Variants in USP34 observed in about 807,000 individuals in gnomAD.
The protein encoded by USP34 is ubiquitin specific peptidase 34, also known as ubiquitin carboxyl-terminal hydrolase 34.
In USP34, 70 loss-of-function variants were observed where a neutral mutation model predicts 460.3. The observed-to-expected ratio is 0.15, with a 90% confidence interval of 0.13 to 0.19. USP34 has a LOEUF of 0.19. Ranked by LOEUF, USP34 falls within the 10% of genes least tolerant of loss-of-function variation. The pLI, the probability that USP34 is intolerant of heterozygous loss-of-function variation, is 1.00. For missense variants in USP34, 3,985 were observed against 4,236.2 expected, an observed-to-expected ratio of 0.94 and a Z score of 1.65; for synonymous variants, 1,647 against 1,405.3, an observed-to-expected ratio of 1.17 and a Z score of -3.85.
chr2:61,443,683 T>A (rs535476051), intron 1 of USP34, among the ~76,000 whole-genome samples: 4 of 152,274 alleles, frequency 2.6e-5, no homozygotes, highest in Admixed American at 2.0e-4. Flanking sequence ...GAGGAAGGAA[T>A]GAATGGGTAG....
chr2:61,310,086 T>C (rs1690540963), intron 27 of USP34, among the ~76,000 whole-genome samples: 2 of 152,120 alleles, frequency 1.3e-5, no homozygotes, highest in Admixed American at 6.5e-5. Context: ...GAAGTGGAAA[T>C]GATGTTATTG....
intron 2 of USP34, among the ~76,000 whole-genome samples, chr2:61,409,692 C>T (rs1019588727): frequency 2.9e-4 from 44 of 151,920 alleles, no homozygotes; most frequent in Non-Finnish European, 1.2e-4. Flanking sequence ...CCAGCCTGGG[C>T]GACAGATCAA....
rs905388319 is a variant in USP34 at position 61,469,231 on chromosome 2, A to G, written c.43+1419T>C. Among the ~76,000 whole-genome samples, 20 of 152,266 alleles carry G rather than the reference A, an allele frequency of 1.3e-4. 1 individual carries two copies. The highest frequency in any genetic ancestry group is 1.0e-3 in the Admixed American group (16 of 15,270). The stretch of plus-strand genomic sequence containing the variant: ...TCAAGAAAAAAAAAAGATATTTAAA[A>G]TCACCAACAAAATTAAGTACTTGTT... On this transcript the variant is annotated intron_variant, in intron 1 of 79. Transcript: ENST00000398571.
chr2:61,414,998 A>G (rs926510881), intron 2 of USP34, among the ~76,000 whole-genome samples: 4 of 152,162 alleles, frequency 2.6e-5, no homozygotes, highest in African/African-American at 9.7e-5. Context: ...ATTAGAGGTA[A>G]TTTCAATTTT....
chr2:61,269,159 A>C (rs1458568181), intron 41 of USP34, among the ~76,000 whole-genome samples: 1 of 152,078 alleles, frequency 6.6e-6, no homozygotes, highest in Non-Finnish European at 1.5e-5. Flanking sequence ...TTAGCTAAGT[A>C]AAATTTCAGA....
chr2:61,299,296 C>T (rs1468566829), intron 29 of USP34, among the ~76,000 whole-genome samples: 1 of 152,056 alleles, frequency 6.6e-6, no homozygotes, highest in Non-Finnish European at 1.5e-5. Context: ...ATCAAAATAC[C>T]ACCATTTTAC....
Position 61,221,404 on chromosome 2 carries a change from G to C in USP34, c.7899+98C>G, listed in dbSNP as rs1687581470. ...CCTGTGACTTACTAAAACCATCTTG[G>C]GGTAATAAGAAACTGGTACTTAAAA... On this transcript the variant is annotated intron_variant, in intron 66 of 79. Coordinates refer to ENST00000398571, the MANE Select transcript of USP34 (RefSeq NM_014709.4). 11 of 1,085,116 alleles carry C rather than the reference G, an allele frequency of 1.0e-5. No individual in the cohort carries two copies. In the South Asian group the frequency reaches 1.3e-4, roughly 13 times the overall value. The allele number at this position is 1,085,116 out of a possible 1,614,324, so 67.2% of individuals were successfully genotyped here.
chr2:61,308,674 T>G (rs934217839), intron 27 of USP34, among the ~76,000 whole-genome samples: 1 of 152,156 alleles, frequency 6.6e-6, no homozygotes, highest in South Asian at 2.1e-4. Context: ...ATCACAATCA[T>G]TGATAAAAGA....
intron 2 of USP34, among the ~76,000 whole-genome samples, chr2:61,413,925 G>A (rs138655356): frequency 0.01 from 1,498 of 146,646 alleles, 15 homozygotes; most frequent in South Asian, 0.027. Context: ...GTGAGACTCA[G>A]TCTCAAAAAA....
At chr2:61,470,234 T>C (rs1223143803) in intron 1 of USP34, among the ~76,000 whole-genome samples, 1 of 152,118 alleles carries the variant, frequency 6.6e-6, no homozygotes, top group Non-Finnish European at 1.5e-5. Context: ...GGCAGCACGC[T>C]GGAAATCAAA....
intron 62 of USP34, 191 bp from the exon 63 acceptor site, chr2:61,223,487 A>T (rs1687646901): frequency 1.7e-6 from 1 of 580,068 alleles, no homozygotes; most frequent in Non-Finnish European, 3.0e-6. Flanking sequence ...AGGATTGGTA[A>T]ATGAAAGCCC....
chr2:61,427,509 T>C (rs1469537887), intron 1 of USP34, among the ~76,000 whole-genome samples: 1 of 152,072 alleles, frequency 6.6e-6, no homozygotes, highest in African/African-American at 2.4e-5. Flanking sequence ...CAGGGACCAA[T>C]CCTGGAGAAA....
intron 57 of USP34, among the ~76,000 whole-genome samples, chr2:61,233,878 C>CACTT: frequency 6.6e-6 from 1 of 151,586 alleles, no homozygotes. Context: ...GATGAGAAGT[C>CACTT]ACTTCTAATA....
intron 2 of USP34, chr2:61,417,295 C>T (rs1694224966): frequency 2.5e-6 from 2 of 793,104 alleles, no homozygotes; most frequent in Non-Finnish European, 2.2e-6. Flanking sequence ...AGGCCGCATA[C>T]ACTACCAAGG....
intron 31 of USP34, 39 bp from the exon 32 acceptor site, chr2:61,295,071 A>G (rs1553365500): frequency 1.2e-6 from 2 of 1,603,532 alleles, no homozygotes; most frequent in Non-Finnish European, 1.7e-6. Context: ...GAATGGCGGA[A>G]GAAAGAATTA....
At chr2:61,274,217 C>T (rs554838957) in intron 41 of USP34, among the ~76,000 whole-genome samples, 45 of 151,686 alleles carry the variant, frequency 3.0e-4, no homozygotes, top group Non-Finnish European at 6.3e-4. Flanking sequence ...TGGCGAAATC[C>T]GGTCTCCACT....
chr2:61,279,118 A>G (rs1330244800), intron 39 of USP34, among the ~76,000 whole-genome samples: 1 of 151,874 alleles, frequency 6.6e-6, no homozygotes, highest in Non-Finnish European at 1.5e-5. Flanking sequence ...TTTAAAGTAC[A>G]ATGTTTATTT....
At chr2:61,305,371 C>T (rs1690370588) in intron 27 of USP34, among the ~76,000 whole-genome samples, 1 of 151,632 alleles carries the variant, frequency 6.6e-6, no homozygotes, top group South Asian at 2.1e-4. Flanking sequence ...AAGAAGAGAT[C>T]ATACCAACAA....
At chr2:61,452,412 C>A (rs1695311362) in intron 1 of USP34, among the ~76,000 whole-genome samples, 1 of 147,068 alleles carries the variant, frequency 6.8e-6, no homozygotes, top group Non-Finnish European at 1.5e-5. Flanking sequence ...GCAACCTCGA[C>A]CTCCGGGGTT....
Sources: allele counts gnomAD v4.1 joint callset (sites outside exome capture counted in the v4.1 genomes callset), GRCh38; gene constraint gnomAD v4.1.1; transcripts MANE v1.5; gene names NCBI Gene and HGNC (gene_info 2026-07-23, HGNC 2026-07-21).